The following NOX3 variants were observed in gnomAD, a reference collection of about 807,000 sequenced individuals.
The protein encoded by NOX3 is NADPH oxidase 3.
In NOX3, 74 loss-of-function variants were observed where a neutral mutation model predicts 76.7. The observed-to-expected ratio is 0.96, with a 90% confidence interval of 0.80 to 1.17. The LOEUF is 1.17. Ranked by LOEUF, NOX3 falls within the 50% of genes most tolerant of loss-of-function variation. NOX3 has a pLI of 0.00. For missense variants in NOX3, 695 were observed against 703.3 expected, an observed-to-expected ratio of 0.99 and a Z score of 0.13; for synonymous variants, 263 against 261.1, an observed-to-expected ratio of 1.01 and a Z score of -0.07.
chr6:155,399,199 G>C (rs1007175608), intron 12 of NOX3, among the ~76,000 whole-genome samples: 4 of 152,144 alleles, frequency 2.6e-5, no homozygotes, highest in African/African-American at 9.7e-5. Context: ...GTTATGGGTG[G>C]TGATATTTTT....
chr6:155,449,538 G>A (rs1404082520), intron 4 of NOX3, among the ~76,000 whole-genome samples: 2 of 152,256 alleles, frequency 1.3e-5, no homozygotes, highest in East Asian at 3.9e-4. Flanking sequence ...TCTTATCATA[G>A]GCAGACAAGC....
intron 7 of NOX3, among the ~76,000 whole-genome samples, chr6:155,435,282 G>T (rs1035001418): frequency 1.3e-5 from 2 of 152,080 alleles, no homozygotes; most frequent in Non-Finnish European, 2.9e-5. Context: ...AGGTGTGGGG[G>T]AGTATTGATT....
At chr6:155,420,788 T>C (rs941877097) in intron 10 of NOX3, among the ~76,000 whole-genome samples, 4 of 152,164 alleles carry the variant, frequency 2.6e-5, no homozygotes, top group Non-Finnish European at 4.4e-5. Flanking sequence ...TCCTGTTAGG[T>C]AGTCAGTGCT....
At chr6:155,398,568 G>A (rs1003307385) in intron 12 of NOX3, among the ~76,000 whole-genome samples, 3 of 152,156 alleles carry the variant, frequency 2.0e-5, no homozygotes, top group Non-Finnish European at 4.4e-5. Context: ...ATTTACAAAT[G>A]ACAATATGTT....
intron 3 of NOX3, among the ~76,000 whole-genome samples, chr6:155,454,527 T>C: frequency 6.6e-6 from 1 of 152,210 alleles, no homozygotes; most frequent in Non-Finnish European, 1.5e-5. Context: ...CAATGATGGT[T>C]CCAGCTATTA....
chr6:155,417,383 T>A (rs1038030636), intron 10 of NOX3, among the ~76,000 whole-genome samples: 2 of 152,176 alleles, frequency 1.3e-5, no homozygotes, highest in East Asian at 1.9e-4. Flanking sequence ...AGGGAGATTT[T>A]AAAATGTTTG....
chr6:155,444,653 C>T (rs1777036852), intron 4 of NOX3, among the ~76,000 whole-genome samples: 1 of 152,202 alleles, frequency 6.6e-6, no homozygotes, highest in South Asian at 2.1e-4. Context: ...TTCGCTGTCA[C>T]ACCTCAAACT....
intron 10 of NOX3, among the ~76,000 whole-genome samples, chr6:155,414,315 C>T (rs887739018): frequency 1.3e-5 from 2 of 152,190 alleles, no homozygotes; most frequent in Non-Finnish European, 2.9e-5. Context: ...TGAGAAAGGA[C>T]CTGGTCAATG....
At chr6:155,398,778 T>C (rs2114672190) in intron 12 of NOX3, among the ~76,000 whole-genome samples, 1 of 152,320 alleles carries the variant, frequency 6.6e-6, no homozygotes. Flanking sequence ...TTTGGGCATG[T>C]CAATTACCTT....
chr6:155,399,836 G>A lies in NOX3; in HGVS notation c.1581-2874C>T, dbSNP rs1384932903. 2.6e-5 allele frequency among the ~76,000 whole-genome samples: 4 copies of A among 152,070 alleles called. No homozygotes were observed. The East Asian group carries it at 7.7e-4, about 29-fold the overall frequency. ...AAATTTAATTACCCACAATCGCTTG[G>A]AATTAAATAGAGATTCTCCGCAAAA... is the stretch of plus-strand genomic sequence containing the variant. On this transcript the variant is annotated intron_variant, in intron 12 of 13. Transcript: ENST00000159060.
Position 155,422,711 on chromosome 6 carries a change from G to C in NOX3, c.1291C>G (p.Pro431Ala). The C allele has an allele frequency of 6.2e-7, 1 of 1,614,036 alleles. No individual in the cohort carries two copies. The highest frequency in any genetic ancestry group is 1.1e-5 in the South Asian group (1 of 91,050). Residue 431 changes from proline (P) to alanine (A), a missense_variant, in exon 10 of 14, where the codon CCA (proline) becomes GCA (alanine). Coordinates refer to ENST00000159060, the MANE Select transcript of NOX3 (RefSeq NM_015718.3). ...TTCCGTACCTTGCTCAGCTTCAGTG[G>C]GGTCTGTGCCTCACTGCATTTGTAC... Reference protein sequence around the residue: ...IWYKCSEAQTPLKLSKVYFYW... With the variant: ...IWYKCSEAQTALKLSKVYFYW...
chr6:155,450,735 C>T (rs1346471704), intron 4 of NOX3, among the ~76,000 whole-genome samples: 6 of 152,104 alleles, frequency 3.9e-5, no homozygotes, highest in Admixed American at 1.3e-4. Flanking sequence ...GGATCAAAGG[C>T]ACAGAATGCT....
chr6:155,435,970 A>G (rs59995328), intron 7 of NOX3, among the ~76,000 whole-genome samples: 101 of 152,338 alleles, frequency 6.6e-4, no homozygotes, highest in African/African-American at 2.3e-3. Flanking sequence ...TGAAGTTGTC[A>G]AAAGAAAGAA....
chr6:155,453,386 C>A lies in NOX3; in HGVS notation c.340+18G>T. Reference sequence around the variant, plus strand: ...ATCAGATATTGTAAAATCCATTGAGCAATTAATAAGTACTTACTTGCATTA... The same window carrying A: ...ATCAGATATTGTAAAATCCATTGAGAAATTAATAAGTACTTACTTGCATTA... On this transcript the variant is annotated intron_variant, in intron 4 of 13. Coordinates refer to ENST00000159060, the MANE Select transcript of NOX3 (RefSeq NM_015718.3). 2 of 1,559,828 alleles carry A rather than the reference C, an allele frequency of 1.3e-6. No homozygotes were observed. Among genetic ancestry groups the A allele is most frequent in the Non-Finnish European group, 1.8e-6 (2 of 1,130,808 alleles).
At chr6:155,402,218 C>A (rs985274881) in intron 12 of NOX3, among the ~76,000 whole-genome samples, 1 of 152,114 alleles carries the variant, frequency 6.6e-6, no homozygotes, top group African/African-American at 2.4e-5. Flanking sequence ...ACATAGATGG[C>A]AATGAATGTA....
intron 12 of NOX3, among the ~76,000 whole-genome samples, chr6:155,400,433 G>T (rs1779207484): frequency 6.6e-6 from 1 of 152,150 alleles, no homozygotes; most frequent in Non-Finnish European, 1.5e-5. Context: ...AAATAAAATC[G>T]ATAAACAGAA....
intron 4 of NOX3, among the ~76,000 whole-genome samples, chr6:155,448,641 C>CAAAA (rs34503841): frequency 8.8e-6 from 1 of 113,910 alleles, no homozygotes; most frequent in African/African-American, 3.2e-5. Flanking sequence ...AAGAGTGAAC[C>CAAAA]AAAAAAAAAA....
intron 8 of NOX3, among the ~76,000 whole-genome samples, chr6:155,429,823 G>A (rs74352876): frequency 0.015 from 2,263 of 152,178 alleles, 55 homozygotes; most frequent in African/African-American, 0.045. Flanking sequence ...GTATTTTTCC[G>A]TTCAAAAGAG....
chr6:155,450,767 T>C (rs1777123871), intron 4 of NOX3, among the ~76,000 whole-genome samples: 5 of 151,998 alleles, frequency 3.3e-5, no homozygotes, highest in Admixed American at 3.3e-4. Context: ...AGGAGCTGGG[T>C]GTGCCCAAGG....
Sources: allele counts gnomAD v4.1 joint callset (sites outside exome capture counted in the v4.1 genomes callset), GRCh38; gene constraint gnomAD v4.1.1; transcripts MANE v1.5; gene names NCBI Gene and HGNC (gene_info 2026-07-23, HGNC 2026-07-21).